Variants in USP6NL observed in about 807,000 individuals in gnomAD.
USP6NL encodes USP6 N-terminal like, also known as USP6 N-terminal-like protein.
Under a neutral mutation model 61.9 loss-of-function variants are expected in USP6NL, and 26 were observed. That is an observed-to-expected ratio of 0.42 (90% CI 0.31 to 0.58). The LOEUF is 0.58. USP6NL is among the 20% of genes least tolerant of loss of function. The pLI is 0.16. For synonymous variants in USP6NL, 432 were observed against 390.1 expected (o/e 1.11, Z -1.27); for missense variants, 1,114 against 1,034.3 (o/e 1.08, Z -1.06).
chr10:11,473,928 A>G (rs1832862759), intron 14 of USP6NL, among the ~76,000 whole-genome samples: 1 of 152,174 alleles, frequency 6.6e-6, no homozygotes. Context: ...GAGGAGAAGG[A>G]AGAATGAGGT....
rs1160315772 is a variant in USP6NL, at chr10:11,548,560, C to T, written c.5-20993G>A. Among the ~76,000 whole-genome samples, 5 of 152,132 alleles carry T rather than the reference C, an allele frequency of 3.3e-5. No homozygotes were observed. Among genetic ancestry groups the T allele is most frequent in the Admixed American group, 6.5e-5 (1 of 15,278 alleles). ...ACCTTACTTTAGCTATCTCTATCAA[C>T]TTTGTACCTATCTCCTTCCCTTCAT... On this transcript the variant is annotated intron_variant, in intron 2 of 14. Transcript: ENST00000609104. The surrounding 1 kb of genome is among the most constrained non-coding windows in gnomAD (Gnocchi z 4.3).
rs577072708 is a variant in USP6NL at position 11,461,255 on chromosome 10, T to C, written c.*1186A>G. On this transcript the variant is annotated 3_prime_UTR_variant, in exon 15 of 15. Transcript: ENST00000609104. ...ACTAATTTTTTTTTAAGCCAAGAAC[T>C]TGAATTTGTTTCAATGAAAAAAAGA... The C allele has an allele frequency of 2.8e-5, 4 of 141,386 alleles. No individual in the cohort carries two copies. The highest frequency in any genetic ancestry group is 5.1e-4 in the East Asian group (2 of 3,926). The allele number at this position is 141,386 out of a possible 1,614,324, so 8.8% of individuals were successfully genotyped here. A position where few individuals can be genotyped will look rare whatever the true frequency, so the allele number is the denominator to read the frequency against.
rs749117055 is a variant in USP6NL at position 11,596,623 on chromosome 10, CAA to C, written c.4+1006_4+1007del. Among the ~76,000 whole-genome samples the C allele has an allele frequency of 1.4e-4, 9 of 63,288 alleles. No homozygotes were observed. Among genetic ancestry groups the C allele is most frequent in the Admixed American group, 5.5e-4 (3 of 5,472 alleles). 41.5% of individuals were successfully genotyped at this position (63,288 alleles called of 152,430 possible). The stretch of plus-strand genomic sequence containing the variant: ...TGGGCGACAGAGGGAGACTCCGTCT[CAA>C]AAAAAAAAAAAAAAACTCTTTCTTA... On this transcript the variant is annotated intron_variant, in intron 2 of 14. Transcript: ENST00000609104. The surrounding 1 kb of genome is among the most constrained non-coding windows in gnomAD (Gnocchi z 4.1).
At chr10:11,549,012 C>G (rs1178173520) in intron 2 of USP6NL, among the ~76,000 whole-genome samples, 1 of 152,152 alleles carries the variant, frequency 6.6e-6, no homozygotes, top group Non-Finnish European at 1.5e-5. Flanking sequence ...CCAATAGTTT[C>G]TAGTTACCAG....
rs34380932 is a variant in USP6NL at position 11,562,261 on chromosome 10, C to CA, written c.5-34695dup. ...TGGCGGACAGTGCAAGACTCCATCT[C>CA]AAAAAAAAAAAAAAAAAATTGCATT... is the stretch of plus-strand genomic sequence containing the variant. On this transcript the variant is annotated intron_variant, in intron 2 of 14. Coordinates refer to ENST00000609104, the MANE Select transcript of USP6NL (RefSeq NM_014688.5). The surrounding 1 kb of genome is among the most constrained non-coding windows in gnomAD (Gnocchi z 4.8). 76,950 of 328,754 alleles carry CA rather than the reference C, an allele frequency of 0.23. 1,281 individuals carry two copies. The highest frequency in any genetic ancestry group is 0.26 in the Non-Finnish European group (65,315 of 252,958). The allele number at this position is 328,754 out of a possible 1,614,324, so 20.4% of individuals were successfully genotyped here. A position where few individuals can be genotyped will look rare whatever the true frequency, so the allele number is the denominator to read the frequency against.
chr10:11,546,479 G>A (rs1214511785), intron 2 of USP6NL, among the ~76,000 whole-genome samples: 5 of 152,084 alleles, frequency 3.3e-5, no homozygotes, highest in Middle Eastern at 3.2e-3. Flanking sequence ...TAGGTTCACC[G>A]CAACCTCCGC....
chr10:11,582,741 C>T (rs1390533414), intron 2 of USP6NL, among the ~76,000 whole-genome samples: 1 of 152,020 alleles, frequency 6.6e-6, no homozygotes, highest in East Asian at 1.9e-4. Flanking sequence ...AAAGAGCAGG[C>T]AAGAAGCTTC....
At chr10:11,610,735 A>C (rs1838861619) in intron 1 of USP6NL, among the ~76,000 whole-genome samples, 1 of 151,886 alleles carries the variant, frequency 6.6e-6, no homozygotes, top group East Asian at 1.9e-4. Context: ...TCTAAAAAGC[A>C]TCTATCTGCG....
chr10:11,590,398 T>C (rs1321041340), intron 2 of USP6NL, among the ~76,000 whole-genome samples: 11 of 152,212 alleles, frequency 7.2e-5, no homozygotes, highest in Admixed American at 7.2e-4. Flanking sequence ...AGAAGACATC[T>C]ATTTGTGTTC....
chr10:11,493,250 A>T, intron 7 of USP6NL, 22 bp from the exon 8 acceptor site: 3 of 1,571,204 alleles, frequency 1.9e-6, no homozygotes, highest in Non-Finnish European at 2.6e-6. Context: ...AAGAGAGAAC[A>T]GAACAGATTT....
rs1004814650 is a variant in USP6NL, at chr10:11,598,301, T to C, written c.-83-584A>G. On this transcript the variant is annotated intron_variant, in intron 1 of 14. Coordinates refer to ENST00000609104, the MANE Select transcript of USP6NL (RefSeq NM_014688.5). This position sits in a 1 kb window ranked among gnomAD's most constrained non-coding sequence, Gnocchi z 4.7. ...TACATCTACCCAATCATTTGGGACA[T>C]ATTTCCTTTCAAGCCATTTTTTTTC... 5.3e-5 allele frequency among the ~76,000 whole-genome samples: 8 copies of C among 152,206 alleles called. No homozygotes were observed. Among genetic ancestry groups the C allele is most frequent in the African/African-American group, 1.9e-4 (8 of 41,458 alleles).
In USP6NL at chr10:11,496,223, G is replaced by A. The variant is rs1322162045; in HGVS notation, c.385-2995C>T. On this transcript the variant is annotated intron_variant, in intron 7 of 14. Transcript: ENST00000609104. This position sits in a 1 kb window ranked among gnomAD's most constrained non-coding sequence, Gnocchi z 5.4. ...CCTCCAGTCTTGGGCTAGCACTGAGGGAGCTAAGGAGCTCTAACTGCTTCT... is the reference window on the plus strand; with the variant it reads ...CCTCCAGTCTTGGGCTAGCACTGAGAGAGCTAAGGAGCTCTAACTGCTTCT... Among the ~76,000 whole-genome samples, 3 of 152,200 alleles carry A rather than the reference G, an allele frequency of 2.0e-5. No individual in the cohort carries two copies. The highest frequency in any genetic ancestry group is 4.4e-5 in the Non-Finnish European group (3 of 68,042).
rs1450728416 is a variant in USP6NL at position 11,596,613 on chromosome 10, G to A, written c.4+1018C>T. ...CACTGCAGCCTGGGCGACAGAGGGA[G>A]ACTCCGTCTCAAAAAAAAAAAAAAA... On this transcript the variant is annotated intron_variant, in intron 2 of 14. Transcript: ENST00000609104. The surrounding 1 kb of genome is among the most constrained non-coding windows in gnomAD (Gnocchi z 4.1). Among the ~76,000 whole-genome samples the A allele has an allele frequency of 6.8e-6, 1 of 146,008 alleles. No homozygotes were observed.
chr10:11,514,627 T>C (rs1276692061), intron 5 of USP6NL, among the ~76,000 whole-genome samples: 1 of 152,172 alleles, frequency 6.6e-6, no homozygotes, highest in Non-Finnish European at 1.5e-5. Flanking sequence ...CTTAGTGTTC[T>C]GGTACAAAAT....
chr10:11,604,272 C>A (rs528326039), intron 1 of USP6NL, among the ~76,000 whole-genome samples: 9 of 152,272 alleles, frequency 5.9e-5, no homozygotes, highest in Admixed American at 5.2e-4. Flanking sequence ...GATTTATTAT[C>A]TTAAAACTAA....
At position 11,490,717 on chromosome 10, in the gene USP6NL, A is replaced by G; in HGVS notation, c.543+115T>C. 1.0e-6 allele frequency: 1 copy of G among 994,780 alleles called. No homozygotes were observed. The highest frequency in any genetic ancestry group is 1.6e-5 in the South Asian group (1 of 63,718). The allele number at this position is 994,780 out of a possible 1,614,324, so 61.6% of individuals were successfully genotyped here. ...CTTAAAAAGATCCACAGAGCTAAAG[A>G]GACCATGGAGACCACCTAGCTCTGA... On this transcript the variant is annotated intron_variant, in intron 9 of 14. Transcript: ENST00000609104. This position sits in a 1 kb window ranked among gnomAD's most constrained non-coding sequence, Gnocchi z 4.5.
At chr10:11,527,590 A>C in intron 2 of USP6NL, 23 bp from the exon 3 acceptor site, 1 of 1,594,198 alleles carries the variant, frequency 6.3e-7, no homozygotes, top group Non-Finnish European at 8.6e-7. Context: ...CATCAAATTT[A>C]GATGAATTGT....
chr10:11,572,546 T>C (rs148500829), intron 2 of USP6NL, among the ~76,000 whole-genome samples: 19 of 152,212 alleles, frequency 1.2e-4, no homozygotes, highest in African/African-American at 4.3e-4. Flanking sequence ...ATTCTTTATA[T>C]GGTTGACTAT....
At chr10:11,572,999 G>A (rs1837416082) in intron 2 of USP6NL, among the ~76,000 whole-genome samples, 1 of 151,930 alleles carries the variant, frequency 6.6e-6, no homozygotes, top group African/African-American at 2.4e-5. Flanking sequence ...TTTCAAAAAT[G>A]TATTTCAGCA....
Sources: gnomAD v4.1 joint callset for allele counts (sites outside exome capture counted in the v4.1 genomes callset) on GRCh38, gnomAD v4.1.1 for gene constraint, Gnocchi (gnomAD v3.1) non-coding constraint, MANE v1.5 for transcripts, NCBI Gene and HGNC (gene_info 2026-07-23, HGNC 2026-07-21) for gene names.